Variants in STARD13 observed in about 807,000 individuals in gnomAD.
STARD13 encodes stAR-related lipid transfer protein 13.
In STARD13, 62 loss-of-function variants were observed where a neutral mutation model predicts 106.4. That is an observed-to-expected ratio of 0.58 (90% CI 0.48 to 0.72). STARD13 has a LOEUF of 0.72. Ranked by LOEUF, STARD13 falls within the 30% of genes least tolerant of loss-of-function variation. STARD13 has a pLI of 0.00. For missense variants in STARD13, 1,387 were observed against 1,424.0 expected (o/e 0.97, Z 0.42); for synonymous variants, 565 against 553.0 (o/e 1.02, Z -0.31).
chr13:33,117,909 T>C lies in STARD13; in HGVS notation c.2281+156A>G, dbSNP rs1875626313. Reference sequence around the variant, plus strand: ...GGCTTGTGGATTTCCATATCAAACTTTGAGCAAAAGTTACTTCCGTAGAGG... The same window carrying C: ...GGCTTGTGGATTTCCATATCAAACTCTGAGCAAAAGTTACTTCCGTAGAGG... On this transcript the variant is annotated intron_variant, in intron 8 of 13. Transcript: ENST00000336934. The C allele has an allele frequency of 1.9e-5, 27 of 1,400,068 alleles. No individual in the cohort carries two copies. In the South Asian group the frequency reaches 4.6e-4, roughly 24 times the overall value. 86.7% of individuals were successfully genotyped at this position (1,400,068 alleles called of 1,614,324 possible).
At chr13:33,399,908 A>G in the STARD13 span, among the ~76,000 whole-genome samples, 1 of 152,084 alleles carries the variant, frequency 6.6e-6, no homozygotes, top group Admixed American at 6.5e-5. Flanking sequence ...AACTTTGTGG[A>G]TGACTATTCA....
chr13:33,653,322 G>A, the STARD13 span, among the ~76,000 whole-genome samples: 3 of 152,060 alleles, frequency 2.0e-5, no homozygotes, highest in South Asian at 6.2e-4. Context: ...GAGGCAGTAA[G>A]GATAGACATA....
the STARD13 span, among the ~76,000 whole-genome samples, chr13:33,591,983 C>A: frequency 6.6e-6 from 1 of 152,126 alleles, no homozygotes; most frequent in East Asian, 1.9e-4. Flanking sequence ...CTTGTATGCC[C>A]GCAGCACTAA....
At chr13:33,427,265 T>A in the STARD13 span, among the ~76,000 whole-genome samples, 1 of 152,188 alleles carries the variant, frequency 6.6e-6, no homozygotes. Flanking sequence ...AGACTCAAAC[T>A]CAGGCCTCTC....
At chr13:33,164,282 T>A (rs1438434227) in intron 3 of STARD13, 1 of 152,208 alleles carries the variant, frequency 6.6e-6, no homozygotes, top group Non-Finnish European at 1.5e-5. Flanking sequence ...TGTATATACG[T>A]GTCTGAAGAT....
the STARD13 span, among the ~76,000 whole-genome samples, chr13:33,489,276 A>G: frequency 6.6e-6 from 1 of 152,230 alleles, no homozygotes; most frequent in East Asian, 1.9e-4. Context: ...TATAATCTAT[A>G]TGTAGTCATA....
chr13:33,244,598 C>T (rs1889729878), intron 1 of STARD13, among the ~76,000 whole-genome samples: 1 of 151,982 alleles, frequency 6.6e-6, no homozygotes, highest in Admixed American at 6.5e-5. Context: ...ACTTATGAGC[C>T]TAGGGCTGAA....
rs1229531841 is a variant in STARD13 at position 33,103,948 on chromosome 13, A to G, written c.*1645T>C. On this transcript the variant is annotated 3_prime_UTR_variant, in exon 14 of 14. Coordinates refer to ENST00000336934, the MANE Select transcript of STARD13 (RefSeq NM_178006.4). Reference sequence around the variant, plus strand: ...GTAGATATGGGAATGAAAAATTTCTAGGTCATAATTCAAACTGTAAGATTT... The same window carrying G: ...GTAGATATGGGAATGAAAAATTTCTGGGTCATAATTCAAACTGTAAGATTT... 1 of 152,246 alleles carries G rather than the reference A, an allele frequency of 6.6e-6. No homozygotes were observed. The highest frequency in any genetic ancestry group is 2.4e-5 in the African/African-American group (1 of 41,464). 9.4% of individuals were successfully genotyped at this position (152,246 alleles called of 1,614,324 possible).
At chr13:33,213,668 G>C (rs1887857780) in intron 1 of STARD13, among the ~76,000 whole-genome samples, 1 of 152,222 alleles carries the variant, frequency 6.6e-6, no homozygotes, top group Admixed American at 6.5e-5. Flanking sequence ...CATGCATTGT[G>C]CTCATGGCAA....
chr13:33,647,003 G>GC, the STARD13 span, among the ~76,000 whole-genome samples: 18 of 152,038 alleles, frequency 1.2e-4, no homozygotes, highest in East Asian at 2.1e-3. Context: ...GAAGTATGCA[G>GC]CCCCCCCTAA....
rs1469401670 is a variant in STARD13 at position 33,130,954 on chromosome 13, A to G, written c.388-665T>C. On this transcript the variant is annotated intron_variant, in intron 4 of 13. Coordinates refer to ENST00000336934, the MANE Select transcript of STARD13 (RefSeq NM_178006.4). The surrounding 1 kb of genome is among the most constrained non-coding windows in gnomAD (Gnocchi z 4.1). ...CATGAGCGTCTTTTTCTGTGGAATCAACTCCGAGTCAGAATGCCGTTGGCA... is the reference window on the plus strand; with the variant it reads ...CATGAGCGTCTTTTTCTGTGGAATCGACTCCGAGTCAGAATGCCGTTGGCA... Among the ~76,000 whole-genome samples the G allele has an allele frequency of 1.3e-5, 2 of 152,204 alleles. No individual in the cohort carries two copies. The highest frequency in any genetic ancestry group is 4.8e-5 in the African/African-American group (2 of 41,434).
chr13:33,155,000 G>C (rs905916343), intron 3 of STARD13, among the ~76,000 whole-genome samples: 5 of 151,874 alleles, frequency 3.3e-5, no homozygotes, highest in Non-Finnish European at 7.4e-5. Context: ...TCCCCTGCCT[G>C]CCCGTAGAGA....
At chr13:33,239,830 T>G (rs1409652216) in intron 1 of STARD13, among the ~76,000 whole-genome samples, 1 of 152,190 alleles carries the variant, frequency 6.6e-6, no homozygotes, top group Non-Finnish European at 1.5e-5. Flanking sequence ...ATATATTTTC[T>G]TCCATTTCAT....
chr13:33,156,320 C>T (rs1420036615), intron 3 of STARD13, among the ~76,000 whole-genome samples: 1 of 152,184 alleles, frequency 6.6e-6, no homozygotes, highest in Non-Finnish European at 1.5e-5. Flanking sequence ...GTCCCTGTTC[C>T]TCTCTTGAGT....
chr13:33,327,950 A>G (rs2077795006), intron 1 of STARD13, among the ~76,000 whole-genome samples: 1 of 152,224 alleles, frequency 6.6e-6, no homozygotes, highest in South Asian at 2.1e-4. Flanking sequence ...GAAGAGCTTC[A>G]AGTGTTGCTG....
At chr13:33,440,111 C>T in the STARD13 span, among the ~76,000 whole-genome samples, 3 of 151,882 alleles carry the variant, frequency 2.0e-5, no homozygotes. Flanking sequence ...ACACCCTGCT[C>T]TACAAAAAAA....
chr13:33,418,521 A>C, the STARD13 span, among the ~76,000 whole-genome samples: 2 of 152,244 alleles, frequency 1.3e-5, no homozygotes, highest in Non-Finnish European at 2.9e-5. Flanking sequence ...GGCATAGCTG[A>C]ACAAAAGGCA....
At chr13:33,148,018 CA>C (rs1880781159) in intron 3 of STARD13, among the ~76,000 whole-genome samples, 2 of 151,664 alleles carry the variant, frequency 1.3e-5, no homozygotes, top group African/African-American at 4.8e-5. Flanking sequence ...TATTCAAATG[CA>C]AAAAAAATTT....
the STARD13 span, among the ~76,000 whole-genome samples, chr13:33,555,583 C>T: frequency 1.3e-5 from 2 of 152,146 alleles, no homozygotes; most frequent in Non-Finnish European, 2.9e-5. Flanking sequence ...CTGTTCGTTC[C>T]TCTGTAGTCC....
Sources: allele counts gnomAD v4.1 joint callset (sites outside exome capture counted in the v4.1 genomes callset), GRCh38; gene constraint gnomAD v4.1.1; non-coding constraint Gnocchi (gnomAD v3.1); transcripts MANE v1.5; gene names NCBI Gene and HGNC (gene_info 2026-07-23, HGNC 2026-07-21).